PIK3C2G: variants seen among roughly 807,000 people sequenced by gnomAD.
PIK3C2G encodes phosphatidylinositol-4-phosphate 3-kinase catalytic subunit type 2 gamma.
A neutral mutation model predicts 181.1 loss-of-function variants in PIK3C2G; 168 were observed. The ratio of observed to expected loss-of-function variants is 0.93; its 90% CI spans 0.82 to 1.05. PIK3C2G has a LOEUF of 1.05. Among genes scored for constraint, PIK3C2G ranks in the 50% least tolerant of loss-of-function variants. PIK3C2G has a pLI of 0.00. For missense variants in PIK3C2G, 1,869 were observed against 1,732.8 expected (o/e 1.08, Z -1.40); for synonymous variants, 573 against 592.2 (o/e 0.97, Z 0.47).
chr12:18,530,338 T>A (rs1273196417), intron 24 of PIK3C2G, among the ~76,000 whole-genome samples: 2 of 152,194 alleles, frequency 1.3e-5, no homozygotes, highest in Admixed American at 6.6e-5. Context: ...ATGAACATTG[T>A]ACTATCAATA....
At chr12:18,709,055 G>C in the PIK3C2G span, among the ~76,000 whole-genome samples, 1 of 152,020 alleles carries the variant, frequency 6.6e-6, no homozygotes, top group African/African-American at 2.4e-5. Context: ...TTTGTGATCT[G>C]AGCTTTTGAT....
At chr12:18,660,605 GACCTT>G in the PIK3C2G span, among the ~76,000 whole-genome samples, 1 of 152,062 alleles carries the variant, frequency 6.6e-6, no homozygotes, top group Non-Finnish European at 1.5e-5. Context: ...GACCAGAAAA[GACCTT>G]AGATTTATAC....
At chr12:18,715,221 G>A in the PIK3C2G span, among the ~76,000 whole-genome samples, 1 of 120,022 alleles carries the variant, frequency 8.3e-6, no homozygotes, top group Non-Finnish European at 1.7e-5. Context: ...GAGAGAGAGA[G>A]AGACCTTATA....
Position 18,338,417 on chromosome 12 carries a change from T to C in PIK3C2G, c.1273-9T>C. ...ATAGATTGTAAGATGTGAATCTTGTTATCTACAGGAAAACGTGTATAATAT... is the reference window on the plus strand; with the variant it reads ...ATAGATTGTAAGATGTGAATCTTGTCATCTACAGGAAAACGTGTATAATAT... On this transcript the variant is annotated splice_polypyrimidine_tract_variant and intron_variant, in intron 8 of 32. Transcript: ENST00000538779. The C allele has an allele frequency of 6.5e-7, 1 of 1,539,384 alleles. No homozygotes were observed. The highest frequency in any genetic ancestry group is 8.9e-7 in the Non-Finnish European group (1 of 1,123,378).
At chr12:18,534,674 A>T (rs1943745379) in intron 24 of PIK3C2G, among the ~76,000 whole-genome samples, 2 of 111,052 alleles carry the variant, frequency 1.8e-5, no homozygotes, top group Admixed American at 2.2e-4. Context: ...CTTGAAAATC[A>T]TACGGGTCAT....
In PIK3C2G at chr12:18,279,572, G is replaced by A. The variant is rs781376095; in HGVS notation, c.-78-2432G>A. ...TAATAAACTACAAGGAGCAAGTCAA[G>A]CTAAGAAAGAGTGGAACAGAATATT... On this transcript the variant is annotated intron_variant, in intron 1 of 32. Transcript: ENST00000538779. Among the ~76,000 whole-genome samples the A allele has an allele frequency of 2.0e-5, 3 of 151,992 alleles. No homozygotes were observed. In the East Asian group the frequency reaches 5.8e-4, roughly 29 times the overall value.
chr12:18,600,147 G>T (rs1344987422), intron 30 of PIK3C2G, among the ~76,000 whole-genome samples: 1 of 151,858 alleles, frequency 6.6e-6, no homozygotes, highest in Non-Finnish European at 1.5e-5. Flanking sequence ...TAAAATAGAT[G>T]ATATATTTGA....
chr12:18,432,114 T>C (rs1946193848), intron 18 of PIK3C2G, among the ~76,000 whole-genome samples: 1 of 152,238 alleles, frequency 6.6e-6, no homozygotes, highest in Admixed American at 6.5e-5. Context: ...TAAAAAGATT[T>C]TTAAAATACC....
At chr12:18,689,658 G>T in the PIK3C2G span, among the ~76,000 whole-genome samples, 83 of 152,178 alleles carry the variant, frequency 5.5e-4, no homozygotes, top group South Asian at 0.017. Context: ...AGCCCTCAGT[G>T]GTCAACTCTG....
Position 18,562,742 on chromosome 12 carries a change from G to C in PIK3C2G, c.3630G>C (p.Leu1210Phe), listed in dbSNP as rs201105623. The change falls in exon 27 of 33, where the codon TTG (leucine) becomes TTC (phenylalanine). Residue 1210 changes from leucine to phenylalanine, a missense_variant. By Grantham distance (22) the Leu-to-Phe change is conservative. Transcript: ENST00000538779. ...KESLECFPVK[L>F]NNLIHTLAQM... ...GTCTGGAGTGTTTCCCTGTTAAATT[G>C]AATAACTTGATCCACACACTTGCAC... The C allele has an allele frequency of 2.5e-6, 4 of 1,605,664 alleles. No individual in the cohort carries two copies. In the East Asian group the frequency reaches 6.7e-5, roughly 27 times the overall value.
At chr12:18,500,774 C>G (rs1016175393) in intron 22 of PIK3C2G, among the ~76,000 whole-genome samples, 4 of 152,168 alleles carry the variant, frequency 2.6e-5, no homozygotes, top group African/African-American at 9.6e-5. Flanking sequence ...GCAACCCACT[C>G]AGGTCCCCTT....
chr12:18,477,941 G>A (rs776847342), intron 18 of PIK3C2G, among the ~76,000 whole-genome samples: 1 of 152,106 alleles, frequency 6.6e-6, no homozygotes, highest in Non-Finnish European at 1.5e-5. Flanking sequence ...CCAGAGGGCT[G>A]TGCAAGAACA....
intron 14 of PIK3C2G, among the ~76,000 whole-genome samples, chr12:18,384,786 AGG>A (rs1342524388): frequency 1.3e-5 from 2 of 152,212 alleles, no homozygotes; most frequent in African/African-American, 4.8e-5. Flanking sequence ...TAAGTGGAAG[AGG>A]GGCATGTAAA....
intron 24 of PIK3C2G, among the ~76,000 whole-genome samples, chr12:18,522,313 A>G (rs1942971556): frequency 6.6e-6 from 1 of 152,230 alleles, no homozygotes; most frequent in South Asian, 2.1e-4. Context: ...AATTCTGAGT[A>G]TGGATATGCA....
intron 18 of PIK3C2G, among the ~76,000 whole-genome samples, chr12:18,485,325 A>T (rs1939924258): frequency 6.6e-6 from 1 of 152,108 alleles, no homozygotes; most frequent in Non-Finnish European, 1.5e-5. Context: ...AATGTAGAAA[A>T]GTTCTAATTT....
chr12:18,631,121 G>C (rs1206206761), intron 31 of PIK3C2G, among the ~76,000 whole-genome samples: 1 of 152,188 alleles, frequency 6.6e-6, no homozygotes, highest in Non-Finnish European at 1.5e-5. Context: ...GAGACAGCTA[G>C]TGATTTCTTT....
intron 26 of PIK3C2G, among the ~76,000 whole-genome samples, chr12:18,561,023 T>C (rs1480321912): frequency 6.6e-5 from 10 of 152,206 alleles, no homozygotes; most frequent in Non-Finnish European, 2.9e-5. Context: ...AATGATGTTA[T>C]ATCAAGGCAA....
chr12:18,314,175 G>T, intron 6 of PIK3C2G, 111 bp downstream of exon 6: 1 of 591,702 alleles, frequency 1.7e-6, no homozygotes. Context: ...ATTAATACAT[G>T]TTTATTTAAA....
chr12:18,409,669 G>A (rs1268053028), intron 16 of PIK3C2G, among the ~76,000 whole-genome samples: 1 of 152,176 alleles, frequency 6.6e-6, no homozygotes, highest in Non-Finnish European at 1.5e-5. Context: ...AACAGAATGA[G>A]AAAATGGGAG....
Sources: allele counts gnomAD v4.1 joint callset (sites outside exome capture counted in the v4.1 genomes callset), GRCh38; gene constraint gnomAD v4.1.1; transcripts MANE v1.5; gene names NCBI Gene and HGNC (gene_info 2026-07-23, HGNC 2026-07-21).